Variants in DMGDH observed in about 807,000 individuals in gnomAD.
The protein encoded by DMGDH is dimethylglycine dehydrogenase.
Under a neutral mutation model 95.2 loss-of-function variants are expected in DMGDH, and 76 were observed. The ratio of observed to expected loss-of-function variants is 0.80; its 90% CI spans 0.66 to 0.97. DMGDH has a LOEUF of 0.97. DMGDH is among the 50% of genes least tolerant of loss of function. DMGDH has a pLI of 0.00. For missense variants in DMGDH, 987 were observed against 1,055.0 expected (o/e 0.94, Z 0.89); for synonymous variants, 345 against 377.6 (o/e 0.91, Z 1.00).
At chr5:79,038,431 A>T (rs1446582913) in intron 7 of DMGDH, among the ~76,000 whole-genome samples, 1 of 152,174 alleles carries the variant, frequency 6.6e-6, no homozygotes, top group East Asian at 1.9e-4. Flanking sequence ...TTGCAGTCAG[A>T]CAAGATCGTG....
chr5:79,028,718 C>T, intron 11 of DMGDH, 68 bp from the exon 12 acceptor site: 4 of 1,500,456 alleles, frequency 2.7e-6, no homozygotes, highest in Non-Finnish European at 3.7e-6. Flanking sequence ...TAAATTATCT[C>T]TCTGAAGACA....
intron 3 of DMGDH, 143 bp downstream of exon 3, chr5:79,055,667 C>A: frequency 1.5e-6 from 1 of 674,840 alleles, no homozygotes; most frequent in Non-Finnish European, 2.7e-6. Flanking sequence ...TCTAGAGGTT[C>A]TTACCTTAAA....
chr5:79,023,696 G>A (rs1026543655), intron 14 of DMGDH, among the ~76,000 whole-genome samples: 3 of 152,158 alleles, frequency 2.0e-5, no homozygotes, highest in East Asian at 1.9e-4. Context: ...GTGTCTTATC[G>A]GTTATGATTA....
chr5:79,019,901 TAGAC>T (rs936268426), intron 14 of DMGDH, among the ~76,000 whole-genome samples: 1 of 151,898 alleles, frequency 6.6e-6, no homozygotes, highest in Admixed American at 6.6e-5. Flanking sequence ...AATAGTTAGA[TAGAC>T]AGATAGATCG....
intron 11 of DMGDH, 105 bp from the exon 12 acceptor site, chr5:79,028,755 G>A (rs1180625243): frequency 1.0e-5 from 13 of 1,240,722 alleles, no homozygotes; most frequent in African/African-American, 1.0e-4. Flanking sequence ...TTATCAGAAA[G>A]TCCCCAGAGT....
Position 79,026,591 on chromosome 5 carries a change from A to T in DMGDH, c.2033-10T>A, listed in dbSNP as rs377494854. ...TCCCAACCCAGCTCACCTGAAATAA[A>T]CCCACAGGTGCCACAGCAGGGCAAG... is the stretch of plus-strand genomic sequence containing the variant. On this transcript the variant is annotated splice_polypyrimidine_tract_variant and intron_variant, in intron 12 of 15. Transcript: ENST00000255189. 4 of 1,613,858 alleles carry T rather than the reference A, an allele frequency of 2.5e-6. No individual in the cohort carries two copies. The African/African-American group carries it at 5.3e-5, about 22-fold the overall frequency.
chr5:79,000,798 G>A (rs1409666677), intron 15 of DMGDH: 1 of 634,134 alleles, frequency 1.6e-6, no homozygotes, highest in East Asian at 2.7e-5. Context: ...GGATCCCAGG[G>A]ACACAAAGCA....
rs1580177853 is a variant in DMGDH, at chr5:78,998,364, A to G, written c.2386-67T>C. On this transcript the variant is annotated intron_variant, in intron 15 of 15. Coordinates refer to ENST00000255189, the MANE Select transcript of DMGDH (RefSeq NM_013391.3). ...GCTCTGTGCTCCTCATCTCTGGGTG[A>G]AAAAAAACTAAAATACAGATTCAAC... The G allele has an allele frequency of 3.5e-6, 5 of 1,439,356 alleles. No homozygotes were observed. The East Asian group carries it at 9.8e-5, about 28-fold the overall frequency. 89.2% of individuals were successfully genotyped at this position (1,439,356 alleles called of 1,614,324 possible).
intron 10 of DMGDH, 99 bp downstream of exon 10, chr5:79,030,734 T>C (rs1754143203): frequency 1.6e-6 from 2 of 1,223,536 alleles, no homozygotes; most frequent in Non-Finnish European, 2.4e-6. Flanking sequence ...AGAGTTCTAG[T>C]GTTCATCCAG....
intron 14 of DMGDH, among the ~76,000 whole-genome samples, chr5:79,016,886 C>T (rs1281021893): frequency 6.6e-6 from 1 of 151,970 alleles, no homozygotes; most frequent in Non-Finnish European, 1.5e-5. Flanking sequence ...GACCTACAAA[C>T]AAATGGACAA....
At chr5:79,038,173 C>G (rs967788916) in intron 7 of DMGDH, among the ~76,000 whole-genome samples, 1 of 152,122 alleles carries the variant, frequency 6.6e-6, no homozygotes, top group African/African-American at 2.4e-5. Context: ...AAGCTAGTAA[C>G]TTCTAGTAAC....
In DMGDH at chr5:78,998,030, T is replaced by G. The variant is rs1753389383; in HGVS notation, c.*52A>C. 1 of 1,582,266 alleles carries G rather than the reference T, an allele frequency of 6.3e-7. No individual in the cohort carries two copies. ...CCCCTGGGAGCCAGTTATAATAATT[T>G]CAAGGACAGTCATTAGCAACTCTAA... On this transcript the variant is annotated 3_prime_UTR_variant, in exon 16 of 16. Transcript: ENST00000255189.
chr5:79,061,214 G>A lies in DMGDH; in HGVS notation c.276+2399C>T, dbSNP rs1321085509. On this transcript the variant is annotated intron_variant, in intron 2 of 15. Transcript: ENST00000255189. ...AGCCTGGGTGACAGAGTGAAACTCT[G>A]TCTCAAACACACACACACACACACA... Among the ~76,000 whole-genome samples the A allele has an allele frequency of 3.2e-5, 4 of 125,878 alleles. No individual in the cohort carries two copies. The Admixed American group carries it at 3.5e-4, about 11-fold the overall frequency. The allele number at this position is 125,878 out of a possible 152,430, so 82.6% of individuals were successfully genotyped here.
chr5:79,021,569 C>T, intron 14 of DMGDH: 1 of 1,294,298 alleles, frequency 7.7e-7, no homozygotes, highest in South Asian at 1.2e-5. Context: ...GTTCTTTTCC[C>T]TACTTGCTGA....
Position 79,056,811 on chromosome 5 carries a change from C to T in DMGDH, c.277-903G>A, listed in dbSNP as rs546339007. The stretch of plus-strand genomic sequence containing the variant: ...CATAGGTTGCAGTGAGCCAAGATCA[C>T]GCCATTGCACTCCAGCCTGGGTGAC... On this transcript the variant is annotated intron_variant, in intron 2 of 15. Coordinates refer to ENST00000255189, the MANE Select transcript of DMGDH (RefSeq NM_013391.3). Among the ~76,000 whole-genome samples the T allele has an allele frequency of 2.6e-5, 4 of 152,128 alleles. No individual in the cohort carries two copies. In the East Asian group the frequency reaches 5.8e-4, roughly 22 times the overall value.
Position 79,027,322 on chromosome 5 carries a change from G to A in DMGDH, c.2033-741C>T, listed in dbSNP as rs114881339. 5.6e-3 allele frequency among the ~76,000 whole-genome samples: 846 copies of A among 152,230 alleles called. 8 individuals are homozygous for A. The highest frequency in any genetic ancestry group is 0.018 in the African/African-American group (759 of 41,540). Reference sequence around the variant, plus strand: ...TTACAGGTATGAGCCACTGCATCCAGCCCTGCTCATTTTTTATTCTAGAAT... The same window carrying A: ...TTACAGGTATGAGCCACTGCATCCAACCCTGCTCATTTTTTATTCTAGAAT... On this transcript the variant is annotated intron_variant, in intron 12 of 15. Transcript: ENST00000255189.
chr5:79,023,425 G>A (rs1252569410), intron 14 of DMGDH, among the ~76,000 whole-genome samples: 3 of 152,180 alleles, frequency 2.0e-5, no homozygotes, highest in Non-Finnish European at 4.4e-5. Flanking sequence ...GTACAGATGA[G>A]CTTGGCTGTA....
At chr5:79,050,301 T>C (rs955261506) in intron 5 of DMGDH, among the ~76,000 whole-genome samples, 1 of 131,628 alleles carries the variant, frequency 7.6e-6, no homozygotes, top group Non-Finnish European at 1.6e-5. Context: ...TATATATATA[T>C]ACCTCAAAAG....
intron 14 of DMGDH, among the ~76,000 whole-genome samples, chr5:79,018,435 T>C (rs1388111351): frequency 6.6e-6 from 1 of 152,120 alleles, no homozygotes; most frequent in Non-Finnish European, 1.5e-5. Flanking sequence ...ATTCCATTTT[T>C]ATAGATTTTG....
Sources: allele counts gnomAD v4.1 joint callset (sites outside exome capture counted in the v4.1 genomes callset), GRCh38; gene constraint gnomAD v4.1.1; transcripts MANE v1.5; gene names NCBI Gene and HGNC (gene_info 2026-07-23, HGNC 2026-07-21).